ZNRF1: variants seen among roughly 807,000 people sequenced by gnomAD.
ZNRF1 encodes the protein E3 ubiquitin-protein ligase ZNRF1.
Under a neutral mutation model 18.4 loss-of-function variants are expected in ZNRF1, and 3 were observed. The observed-to-expected ratio is 0.16, with a 90% confidence interval of 0.07 to 0.42. The LOEUF is 0.42. ZNRF1 is among the 10% of genes least tolerant of loss of function. ZNRF1 has a pLI of 0.99. For missense variants in ZNRF1, 310 were observed against 329.8 expected (o/e 0.94, Z 0.47); for synonymous variants, 157 against 144.2 (o/e 1.09, Z -0.64).
intron 1 of ZNRF1, among the ~76,000 whole-genome samples, chr16:75,037,320 T>C (rs1435689141): frequency 6.6e-6 from 1 of 151,980 alleles, no homozygotes. Flanking sequence ...TTAATGTCAC[T>C]TGGTCTTCAC....
intron 1 of ZNRF1, among the ~76,000 whole-genome samples, chr16:75,046,227 G>T (rs1447036245): frequency 6.7e-6 from 1 of 150,028 alleles, no homozygotes; most frequent in Non-Finnish European, 1.5e-5. Flanking sequence ...ATTTATATAG[G>T]CCTCAATGAG....
chr16:75,023,348 A>G (rs2035178625), intron 1 of ZNRF1, among the ~76,000 whole-genome samples: 1 of 152,150 alleles, frequency 6.6e-6, no homozygotes, highest in Admixed American at 6.6e-5. Flanking sequence ...TAAATAAAGC[A>G]TCATTTAACA....
At position 75,081,315 on chromosome 16, in the gene ZNRF1, C is replaced by A. The variant is rs112100932; in HGVS notation, c.425-12257C>A. ...GCACCTGCCAAGAGCGAAGCCTGAC[C>A]TGCATGGCTGGTCCTACTTGGACAG... On this transcript the variant is annotated intron_variant, in intron 1 of 4. Transcript: ENST00000335325. 7.9e-3 allele frequency among the ~76,000 whole-genome samples: 1,200 copies of A among 152,374 alleles called. 7 individuals carry two copies. The highest frequency in any genetic ancestry group is 0.011 in the Non-Finnish European group (750 of 68,032).
At chr16:75,021,388 T>A (rs969195181) in intron 1 of ZNRF1, among the ~76,000 whole-genome samples, 1 of 152,216 alleles carries the variant, frequency 6.6e-6, no homozygotes, top group Non-Finnish European at 1.5e-5. Context: ...TCTTATTTGA[T>A]GAAGTCTGCT....
intron 1 of ZNRF1, among the ~76,000 whole-genome samples, chr16:75,063,915 A>G (rs766065816): frequency 6.6e-6 from 1 of 152,176 alleles, no homozygotes; most frequent in Non-Finnish European, 1.5e-5. Context: ...GCACTAGAGA[A>G]GTGTTGGAGA....
At chr16:75,043,791 T>G (rs12924076) in intron 1 of ZNRF1, among the ~76,000 whole-genome samples, 1 of 22,884 alleles carries the variant, frequency 4.4e-5, no homozygotes, top group Non-Finnish European at 1.2e-4. Context: ...TGCTTTGTAC[T>G]TTTTTTTTTT....
chr16:75,071,777 C>T (rs1214519970), intron 1 of ZNRF1, among the ~76,000 whole-genome samples: 15 of 152,052 alleles, frequency 9.9e-5, no homozygotes, highest in Non-Finnish European at 2.9e-5. Flanking sequence ...TAGGTGTCTA[C>T]CTTTCTGATC....
rs751305519 is a variant in ZNRF1, at chr16:75,110,215, C to T, written c.*2515C>T. 5 of 152,464 alleles carry T rather than the reference C, an allele frequency of 3.3e-5. No homozygotes were observed. Among genetic ancestry groups the T allele is most frequent in the Non-Finnish European group, 7.3e-5 (5 of 68,206 alleles). 9.4% of individuals were successfully genotyped at this position (152,464 alleles called of 1,614,324 possible). A position where few individuals can be genotyped will look rare whatever the true frequency, so the allele number is the denominator to read the frequency against. The stretch of plus-strand genomic sequence containing the variant: ...TCCTCTGAATTTGGACCCAGGTTGC[C>T]TGCTCTTGTTGTGGGGGTGGGATTG... On this transcript the variant is annotated 3_prime_UTR_variant, in exon 5 of 5. Coordinates refer to ENST00000335325, the MANE Select transcript of ZNRF1 (RefSeq NM_032268.5).
intron 1 of ZNRF1, among the ~76,000 whole-genome samples, chr16:75,067,659 A>G (rs908621945): frequency 1.3e-5 from 2 of 152,238 alleles, no homozygotes; most frequent in Non-Finnish European, 2.9e-5. Context: ...ACCCATATAC[A>G]TACGGGAATT....
chr16:75,028,345 G>A (rs2035253404), intron 1 of ZNRF1, among the ~76,000 whole-genome samples: 1 of 152,198 alleles, frequency 6.6e-6, no homozygotes, highest in Non-Finnish European at 1.5e-5. Context: ...CCAGGCTAGA[G>A]TGCAATGGCG....
intron 1 of ZNRF1, among the ~76,000 whole-genome samples, chr16:75,080,389 G>A (rs2035995225): frequency 6.6e-6 from 1 of 152,198 alleles, no homozygotes; most frequent in African/African-American, 2.4e-5. Flanking sequence ...TTCCATATGA[G>A]CAGTCACTTA....
chr16:75,045,952 G>A (rs2035509711), intron 1 of ZNRF1, among the ~76,000 whole-genome samples: 1 of 151,884 alleles, frequency 6.6e-6, no homozygotes, highest in Admixed American at 6.6e-5. Flanking sequence ...GCCCAAGCTA[G>A]AGTACAATGG....
intron 1 of ZNRF1, among the ~76,000 whole-genome samples, chr16:75,037,441 G>A (rs1567474045): frequency 1.3e-5 from 2 of 152,222 alleles, no homozygotes; most frequent in East Asian, 1.9e-4. Flanking sequence ...GGGTTCAAGC[G>A]ATTATCATGC....
intron 2 of ZNRF1, chr16:75,095,500 T>C (rs1314681722): frequency 2.3e-6 from 3 of 1,293,052 alleles, no homozygotes; most frequent in Non-Finnish European, 3.1e-6. Flanking sequence ...TCAAAAACCC[T>C]ATTCACTTCT....
chr16:75,099,845 C>T (rs1267135520), intron 2 of ZNRF1, among the ~76,000 whole-genome samples: 3 of 152,172 alleles, frequency 2.0e-5, no homozygotes, highest in African/African-American at 7.2e-5. Context: ...TTGTAGGAAC[C>T]AGTTGATAGG....
At chr16:75,089,774 G>A (rs1365595297) in intron 1 of ZNRF1, among the ~76,000 whole-genome samples, 1 of 152,188 alleles carries the variant, frequency 6.6e-6, no homozygotes, top group African/African-American at 2.4e-5. Context: ...ATGAATGTCT[G>A]GTGACATTCC....
In ZNRF1 at chr16:75,104,873, TG is replaced by T; in HGVS notation, c.611del (p.Cys204SerfsTer8). The T allele has an allele frequency of 1.2e-6, 2 of 1,604,594 alleles. No individual in the cohort carries two copies. Among genetic ancestry groups the T allele is most frequent in the Non-Finnish European group, 1.7e-6 (2 of 1,176,280 alleles). ...GDTIARLPCL[C>X]IYHKSCIDSW... Reference sequence around the variant, plus strand: ...CACGATAGCCAGGCTGCCCTGCCTGTGCATCTATCACAAAAGGTAGGAGGGG... The same window carrying T: ...CACGATAGCCAGGCTGCCCTGCCTGTCATCTATCACAAAAGGTAGGAGGGG... On this transcript the variant is annotated frameshift_variant, in exon 3 of 5. Coordinates refer to ENST00000335325, the MANE Select transcript of ZNRF1 (RefSeq NM_032268.5). LOFTEE classifies it high-confidence loss of function.
chr16:75,020,892 T>A (rs2035138388), intron 1 of ZNRF1, among the ~76,000 whole-genome samples: 1 of 152,090 alleles, frequency 6.6e-6, no homozygotes, highest in Admixed American at 6.6e-5. Context: ...TTTGGAAACT[T>A]TCAGTTCTGT....
At chr16:75,078,417 G>C (rs1243258661) in intron 1 of ZNRF1, among the ~76,000 whole-genome samples, 1 of 149,092 alleles carries the variant, frequency 6.7e-6, no homozygotes, top group Non-Finnish European at 1.5e-5. Flanking sequence ...TCCTGCCTCA[G>C]CCTCCCGAAT....
Sources: gnomAD v4.1 joint callset for allele counts (sites outside exome capture counted in the v4.1 genomes callset) on GRCh38, gnomAD v4.1.1 for gene constraint, MANE v1.5 for transcripts, NCBI Gene and HGNC (gene_info 2026-07-23, HGNC 2026-07-21) for gene names.